COL25A1: variants seen among roughly 807,000 people sequenced by gnomAD.
COL25A1 encodes the protein collagen type XXV alpha 1 chain, also known as collagen alpha-1(XXV) chain.
In COL25A1, 103 loss-of-function variants were observed where a neutral mutation model predicts 128.4. That is an observed-to-expected ratio of 0.80 (90% CI 0.68 to 0.94). The LOEUF is 0.94. Ranked by LOEUF, COL25A1 falls within the 40% of genes least tolerant of loss-of-function variation. COL25A1 has a pLI of 0.00. For synonymous variants in COL25A1, 279 were observed against 277.2 expected (o/e 1.01, Z -0.06); for missense variants, 745 against 840.0 (o/e 0.89, Z 1.40).
chr4:109,155,173 A>T (rs899230715), intron 3 of COL25A1, among the ~76,000 whole-genome samples: 1 of 152,208 alleles, frequency 6.6e-6, no homozygotes, highest in Non-Finnish European at 1.5e-5. Context: ...GCACTTGAGG[A>T]TAAGAGTTAT....
intron 3 of COL25A1, among the ~76,000 whole-genome samples, chr4:109,075,272 T>C (rs1489515380): frequency 6.6e-6 from 1 of 152,150 alleles, no homozygotes; most frequent in African/African-American, 2.4e-5. Flanking sequence ...TCAAGTGATA[T>C]GTAGGCACTT....
chr4:108,849,777 C>G (rs1735553471), intron 26 of COL25A1, among the ~76,000 whole-genome samples: 1 of 152,096 alleles, frequency 6.6e-6, no homozygotes, highest in South Asian at 2.1e-4. Flanking sequence ...GCTGTATTTT[C>G]TAGAAAGGCC....
chr4:109,102,384 C>T (rs1349052374), intron 3 of COL25A1, among the ~76,000 whole-genome samples: 1 of 151,952 alleles, frequency 6.6e-6, no homozygotes, highest in East Asian at 1.9e-4. Flanking sequence ...TGGTATCAAT[C>T]CTCTTAAATT....
chr4:108,928,538 G>GTATTTATTTATGTATT (rs1746348101), intron 11 of COL25A1, among the ~76,000 whole-genome samples: 1 of 145,078 alleles, frequency 6.9e-6, no homozygotes, highest in African/African-American at 2.7e-5. Context: ...ATTTATTTAT[G>GTATTTATTTATGTATT]TATTTATTTA....
chr4:109,134,518 T>C (rs570792324), intron 3 of COL25A1, among the ~76,000 whole-genome samples: 1 of 152,250 alleles, frequency 6.6e-6, no homozygotes, highest in East Asian at 1.9e-4. Context: ...AGAAGCGCAT[T>C]CCCCATTTCC....
intron 5 of COL25A1, among the ~76,000 whole-genome samples, chr4:109,016,349 C>G (rs1293462708): frequency 6.6e-6 from 1 of 152,240 alleles, no homozygotes; most frequent in Non-Finnish European, 1.5e-5. Context: ...GAGGGCAGCG[C>G]AGTGCAGGCC....
chr4:108,872,151 A>G (rs62314573), intron 19 of COL25A1, among the ~76,000 whole-genome samples: 76,058 of 152,078 alleles, frequency 0.5, 21,053 homozygotes, highest in East Asian at 0.93. Flanking sequence ...GTGGTGGCTC[A>G]TGTTTTGTAA....
chr4:108,917,668 G>A (rs1352577163), intron 13 of COL25A1, among the ~76,000 whole-genome samples: 1 of 152,148 alleles, frequency 6.6e-6, no homozygotes, highest in South Asian at 2.1e-4. Flanking sequence ...TACAATAAAA[G>A]TGTATGTAAT....
chr4:109,218,541 C>T (rs768773283), intron 3 of COL25A1, among the ~76,000 whole-genome samples: 13 of 151,686 alleles, frequency 8.6e-5, no homozygotes, highest in Non-Finnish European at 1.3e-4. Flanking sequence ...TGTCCTTGTT[C>T]AAATACTACA....
intron 6 of COL25A1, among the ~76,000 whole-genome samples, chr4:109,008,634 G>A (rs1022214459): frequency 1.3e-5 from 2 of 152,092 alleles, no homozygotes; most frequent in African/African-American, 4.8e-5. Context: ...TTCAAGGGCT[G>A]AGCACTACAA....
chr4:109,064,468 A>C (rs1393106117), intron 3 of COL25A1, among the ~76,000 whole-genome samples: 1 of 152,222 alleles, frequency 6.6e-6, no homozygotes, highest in African/African-American at 2.4e-5. Flanking sequence ...CAAATCATCA[A>C]ATGGAGGCCA....
intron 5 of COL25A1, among the ~76,000 whole-genome samples, chr4:109,043,846 G>A (rs975888869): frequency 2.0e-5 from 3 of 152,066 alleles, no homozygotes; most frequent in African/African-American, 7.2e-5. Flanking sequence ...CAAAATAGAA[G>A]GTACCATTTG....
chr4:108,894,731 A>G (rs535092866), intron 16 of COL25A1, among the ~76,000 whole-genome samples: 23 of 152,340 alleles, frequency 1.5e-4, no homozygotes, highest in African/African-American at 4.6e-4. Context: ...AGCAAGTTAG[A>G]TGTAACACCA....
intron 6 of COL25A1, among the ~76,000 whole-genome samples, chr4:108,981,241 T>A (rs1752942152): frequency 6.6e-6 from 1 of 152,216 alleles, no homozygotes; most frequent in Non-Finnish European, 1.5e-5. Context: ...AGTACAGGTT[T>A]ACCTCCAACT....
rs182579940 is a variant in COL25A1, at chr4:108,866,715, A to G, written c.1083+2373T>C. ...TGGAAGAATGGTGTTCAGCTGAAAG[A>G]GATTTTTAAAATAACCATGACTTTC... On this transcript the variant is annotated intron_variant, in intron 20 of 37. Transcript: ENST00000399132. Among the ~76,000 whole-genome samples the G allele has an allele frequency of 3.3e-5, 5 of 152,360 alleles. No homozygotes were observed. In the East Asian group the frequency reaches 7.7e-4, roughly 24 times the overall value.
rs1167268823 is a variant in COL25A1 at position 108,841,694 on chromosome 4, C to T, written c.1656+1G>A. 1.2e-6 allele frequency: 2 copies of T among 1,611,312 alleles called. No homozygotes were observed. The highest frequency in any genetic ancestry group is 1.7e-6 in the Non-Finnish European group (2 of 1,177,748). On this transcript the variant is annotated splice_donor_variant, in intron 31 of 37. Transcript: ENST00000399132. LOFTEE classifies it high-confidence loss of function. ...AATAATCAAGGGATTTGTTGGATTA[C>T]CTTTGGTCCAGGAAGTCCATGAGGT...
rs1752462444 is a variant in COL25A1, at chr4:108,976,526, A to C, written c.439-1967T>G. On this transcript the variant is annotated intron_variant, in intron 6 of 37. Coordinates refer to ENST00000399132, the MANE Select transcript of COL25A1 (RefSeq NM_198721.4). ...CACTGATACATTTTCTAGCTCTTAA[A>C]GATAAAGTCATGTTTTGGTTTCAGC... is the stretch of plus-strand genomic sequence containing the variant. 3.3e-5 allele frequency among the ~76,000 whole-genome samples: 5 copies of C among 152,336 alleles called. No individual in the cohort carries two copies. The South Asian group carries it at 1.0e-3, about 32-fold the overall frequency.
chr4:108,896,518 T>C (rs1486238922), intron 16 of COL25A1, 149 bp downstream of exon 16: 1 of 578,014 alleles, frequency 1.7e-6, no homozygotes, highest in Non-Finnish European at 3.1e-6. Flanking sequence ...AAATCAAGTA[T>C]TTAAATGTTT....
intron 3 of COL25A1, among the ~76,000 whole-genome samples, chr4:109,069,278 C>T (rs1762722623): frequency 6.6e-6 from 1 of 151,516 alleles, no homozygotes; most frequent in African/African-American, 2.4e-5. Flanking sequence ...GTGGCATGAT[C>T]ATGGCTCACT....
Sources: gnomAD v4.1 joint callset for allele counts (sites outside exome capture counted in the v4.1 genomes callset) on GRCh38, gnomAD v4.1.1 for gene constraint, MANE v1.5 for transcripts, NCBI Gene and HGNC (gene_info 2026-07-23, HGNC 2026-07-21) for gene names.